The following SORCS3 variants were observed in gnomAD, a reference collection of about 807,000 sequenced individuals.
SORCS3 encodes sortilin related VPS10 domain containing receptor 3.
A neutral mutation model predicts 146.3 loss-of-function variants in SORCS3; 57 were observed. The ratio of observed to expected loss-of-function variants is 0.39; its 90% CI spans 0.31 to 0.49. The LOEUF (loss-of-function observed/expected upper bound fraction) is 0.49, where lower values mean the gene tolerates loss of function less well. Among genes scored for constraint, SORCS3 ranks in the 20% least tolerant of loss-of-function variants. The pLI is 0.92. For synonymous variants in SORCS3, 653 were observed against 618.5 expected (o/e 1.06, Z -0.83); for missense variants, 1,341 against 1,575.5 (o/e 0.85, Z 2.52).
At chr10:105,181,277 T>C (rs570045836) in intron 14 of SORCS3, among the ~76,000 whole-genome samples, 1 of 152,338 alleles carries the variant, frequency 6.6e-6, no homozygotes, top group Admixed American at 6.5e-5. Context: ...AAATTGATTA[T>C]AGATCTCTAG....
chr10:104,910,628 A>C (rs949587310), intron 2 of SORCS3, among the ~76,000 whole-genome samples: 1 of 152,258 alleles, frequency 6.6e-6, no homozygotes, highest in Non-Finnish European at 1.5e-5. Context: ...ACACTCAAAA[A>C]GGTTATGTGT....
intron 2 of SORCS3, among the ~76,000 whole-genome samples, chr10:104,903,432 AC>A (rs1001122359): frequency 3.0e-4 from 45 of 152,308 alleles, no homozygotes; most frequent in African/African-American, 1.0e-3. Flanking sequence ...ATATATAAAA[AC>A]AATAGAAAAC....
intron 4 of SORCS3, among the ~76,000 whole-genome samples, chr10:105,023,535 G>A (rs137908563): frequency 9.1e-4 from 138 of 152,312 alleles, no homozygotes; most frequent in African/African-American, 3.2e-3. Flanking sequence ...TCTTGGCAGA[G>A]CAGTGGTTTT....
At chr10:104,923,642 T>C (rs1281288143) in intron 3 of SORCS3, among the ~76,000 whole-genome samples, 1 of 152,192 alleles carries the variant, frequency 6.6e-6, no homozygotes, top group East Asian at 1.9e-4. Context: ...TAACCCAGAA[T>C]AGAGGACACC....
chr10:105,121,745 A>G (rs181683990), intron 7 of SORCS3, among the ~76,000 whole-genome samples: 12 of 152,318 alleles, frequency 7.9e-5, no homozygotes, highest in African/African-American at 2.9e-4. Context: ...CAATGTATTC[A>G]TGCCTGAGCC....
chr10:105,214,322 G>T (rs2056651795), intron 17 of SORCS3, 120 bp from the exon 18 acceptor site: 6 of 1,088,276 alleles, frequency 5.5e-6, no homozygotes, highest in Non-Finnish European at 6.8e-6. Context: ...GGGCCGCTGT[G>T]TGAAGCACCT....
At chr10:104,966,047 A>C (rs1011357076) in intron 3 of SORCS3, among the ~76,000 whole-genome samples, 1 of 152,080 alleles carries the variant, frequency 6.6e-6, no homozygotes, top group East Asian at 1.9e-4. Flanking sequence ...TCCCAACTGC[A>C]GCATCATTGA....
chr10:105,121,799 C>T (rs1359202970), intron 7 of SORCS3, among the ~76,000 whole-genome samples: 1 of 152,222 alleles, frequency 6.6e-6, no homozygotes, highest in African/African-American at 2.4e-5. Context: ...TTTACTCAAA[C>T]ACCCATCCCT....
Position 105,245,576 on chromosome 10 carries a change from C to A in SORCS3, c.2903C>A (p.Thr968Lys), listed in dbSNP as rs1307782183. 1 of 1,614,140 alleles carries A rather than the reference C, an allele frequency of 6.2e-7. No homozygotes were observed. Among genetic ancestry groups the A allele is most frequent in the Non-Finnish European group, 8.5e-7 (1 of 1,179,994 alleles). The part of the protein sequence containing the change: ...LITLDSSISF[T>K]FLAEGTDTIT... ...ACTTTGGACAGCAGCATTTCCTTCA[C>A]ATTCCTTGCAGAAGGAACCGACACC... Residue 968 changes from threonine (T) to lysine (K), a missense_variant, in exon 21 of 27, where the codon ACA (threonine) becomes AAA (lysine). By Grantham distance (78) the Thr-to-Lys change is moderately conservative (BLOSUM62 -1). Transcript: ENST00000369701.
At chr10:104,796,483 A>G (rs1185134550) in intron 1 of SORCS3, among the ~76,000 whole-genome samples, 1 of 151,734 alleles carries the variant, frequency 6.6e-6, no homozygotes, top group Non-Finnish European at 1.5e-5. Context: ...TCAGGCTCAG[A>G]GTCCATAGCA....
At chr10:104,642,022 G>GCCC in intron 1 of SORCS3, 68 bp downstream of exon 1, 7 of 173,332 alleles carry the variant, frequency 4.0e-5, no homozygotes, top group East Asian at 1.5e-4. Flanking sequence ...GGGTGGGTGG[G>GCCC]AGCGAGGGAC....
chr10:104,673,189 T>A, intron 1 of SORCS3, among the ~76,000 whole-genome samples: 1 of 152,188 alleles, frequency 6.6e-6, no homozygotes, highest in East Asian at 1.9e-4. Flanking sequence ...AATTGGATCA[T>A]GTTTTAACAA....
intron 23 of SORCS3, 56 bp from the exon 24 acceptor site, chr10:105,255,646 T>A (rs2056926903): frequency 1.6e-6 from 2 of 1,219,450 alleles, no homozygotes; most frequent in African/African-American, 1.5e-5. Context: ...TCTTACCCCA[T>A]GAGGGAGCAT....
At chr10:104,655,072 G>A (rs1432151910) in intron 1 of SORCS3, among the ~76,000 whole-genome samples, 1 of 152,102 alleles carries the variant, frequency 6.6e-6, no homozygotes, top group Non-Finnish European at 1.5e-5. Context: ...GGCCAACATG[G>A]TGAAACCTTG....
chr10:105,198,023 C>T (rs925280789), intron 14 of SORCS3, among the ~76,000 whole-genome samples: 1 of 152,132 alleles, frequency 6.6e-6, no homozygotes, highest in African/African-American at 2.4e-5. Context: ...ACTGTTCAGC[C>T]ACATAATTTT....
chr10:104,722,101 A>G (rs2016557099), intron 1 of SORCS3, among the ~76,000 whole-genome samples: 1 of 152,144 alleles, frequency 6.6e-6, no homozygotes, highest in Admixed American at 6.5e-5. Context: ...TCAGTATGAT[A>G]TTGGCTGTGG....
At chr10:105,152,263 A>C (rs887665814) in intron 9 of SORCS3, among the ~76,000 whole-genome samples, 1 of 152,222 alleles carries the variant, frequency 6.6e-6, no homozygotes, top group African/African-American at 2.4e-5. Flanking sequence ...AAATACATAC[A>C]TAAGGTGAGC....
At chr10:104,998,686 C>T (rs1465816244) in intron 4 of SORCS3, among the ~76,000 whole-genome samples, 2 of 152,032 alleles carry the variant, frequency 1.3e-5, no homozygotes, top group African/African-American at 4.8e-5. Context: ...TTTTCAGATT[C>T]AGAACTAGAA....
chr10:104,717,683 G>A (rs979909444), intron 1 of SORCS3, among the ~76,000 whole-genome samples: 1 of 152,148 alleles, frequency 6.6e-6, no homozygotes, highest in Admixed American at 6.5e-5. Flanking sequence ...ACCATCCAAG[G>A]AAAACAATTA....
Sources: gnomAD v4.1 joint callset for allele counts (sites outside exome capture counted in the v4.1 genomes callset) on GRCh38, gnomAD v4.1.1 for gene constraint, MANE v1.5 for transcripts, NCBI Gene and HGNC (gene_info 2026-07-23, HGNC 2026-07-21) for gene names.